The following CCDC83 variants were observed in gnomAD, a reference collection of about 807,000 sequenced individuals.
CCDC83 encodes the protein coiled-coil domain containing 83.
A neutral mutation model predicts 50.1 loss-of-function variants in CCDC83; 54 were observed. The observed-to-expected ratio is 1.08, with a 90% confidence interval of 0.87 to 1.35. CCDC83 has a LOEUF of 1.35. Ranked by LOEUF, CCDC83 falls within the 40% of genes most tolerant of loss-of-function variation. CCDC83 has a pLI of 0.00. For synonymous variants in CCDC83, 161 were observed against 153.3 expected, an observed-to-expected ratio of 1.05 and a Z score of -0.37; for missense variants, 518 against 473.9, an observed-to-expected ratio of 1.09 and a Z score of -0.86.
chr11:85,899,904 C>T (rs1029919660), intron 7 of CCDC83, among the ~76,000 whole-genome samples: 1 of 151,940 alleles, frequency 6.6e-6, no homozygotes, highest in Non-Finnish European at 1.5e-5. Context: ...CCTGAGGGCT[C>T]GCTGAAATAA....
intron 2 of CCDC83, among the ~76,000 whole-genome samples, chr11:85,868,750 G>GATC (rs2093221518): frequency 6.6e-6 from 1 of 152,012 alleles, no homozygotes; most frequent in South Asian, 2.1e-4. Context: ...GGGCTCAAGG[G>GATC]ATCAGCCCAC....
In CCDC83 at chr11:85,916,261, C is replaced by A. The variant is rs199652277; in HGVS notation, c.1080+28C>A. 1.6e-4 allele frequency: 225 copies of A among 1,449,786 alleles called. No homozygotes were observed. The African/African-American group carries it at 2.7e-3, about 17-fold the overall frequency. 89.8% of individuals were successfully genotyped at this position (1,449,786 alleles called of 1,614,324 possible). On this transcript the variant is annotated intron_variant, in intron 10 of 10. Coordinates refer to ENST00000342404, the MANE Select transcript of CCDC83 (RefSeq NM_001286159.2). ...AAGATTCATAACAACACAACTTTGA[C>A]TACTAAGAAAATGCTGTTTTGAGAA...
chr11:85,918,820 AAC>A (rs1230643389), intron 10 of CCDC83, among the ~76,000 whole-genome samples: 2 of 152,176 alleles, frequency 1.3e-5, no homozygotes, highest in Non-Finnish European at 2.9e-5. Flanking sequence ...CAGGTAGGGG[AAC>A]AGTCAATTAT....
Position 85,917,162 on chromosome 11 carries a change from GAGAGAGAA to G in CCDC83, c.1080+933_1080+940del, listed in dbSNP as rs1316215938. On this transcript the variant is annotated intron_variant, in intron 10 of 10. Coordinates refer to ENST00000342404, the MANE Select transcript of CCDC83 (RefSeq NM_001286159.2). ...AGAGAGAGAGAGAGAGAGAGAGAGA[GAGAGAGAA>G]AGAAAGAAAGAAAGAAAGAAAGAGA... 6.1e-5 allele frequency among the ~76,000 whole-genome samples: 4 copies of G among 65,820 alleles called. No homozygotes were observed. In the East Asian group the frequency reaches 1.4e-3, roughly 23 times the overall value. The allele number at this position is 65,820 out of a possible 152,430, so 43.2% of individuals were successfully genotyped here.
chr11:85,862,152 A>C (rs1276957250), intron 1 of CCDC83, among the ~76,000 whole-genome samples: 1 of 152,148 alleles, frequency 6.6e-6, no homozygotes, highest in Non-Finnish European at 1.5e-5. Flanking sequence ...ATATGAAAAA[A>C]ATGATTGTGA....
intron 7 of CCDC83, among the ~76,000 whole-genome samples, chr11:85,907,633 T>C (rs1011721643): frequency 1.6e-4 from 24 of 152,256 alleles, no homozygotes; most frequent in African/African-American, 5.3e-4. Flanking sequence ...CTTCCACTTC[T>C]TCCTCCTTTT....
chr11:85,886,794 C>A lies in CCDC83; in HGVS notation c.511+427C>A, dbSNP rs1007359543. On this transcript the variant is annotated intron_variant, in intron 5 of 10. Coordinates refer to ENST00000342404, the MANE Select transcript of CCDC83 (RefSeq NM_001286159.2). ...TGGGCATGGTGGCTCATGCCTGTAG[C>A]CCCAGCTACTTGAGAGGCTGAGGTG... 5.3e-5 allele frequency among the ~76,000 whole-genome samples: 8 copies of A among 152,066 alleles called. No homozygotes were observed. In the South Asian group the frequency reaches 6.2e-4, roughly 12 times the overall value.
intron 6 of CCDC83, among the ~76,000 whole-genome samples, chr11:85,898,118 T>C (rs952538148): frequency 1.3e-5 from 2 of 148,180 alleles, no homozygotes; most frequent in Non-Finnish European, 3.0e-5. Context: ...GATCACACTA[T>C]CACACTCCAG....
At chr11:85,909,971 T>G (rs985597285) in intron 7 of CCDC83, among the ~76,000 whole-genome samples, 3 of 152,202 alleles carry the variant, frequency 2.0e-5, no homozygotes, top group African/African-American at 7.2e-5. Flanking sequence ...TATTTGGCCC[T>G]TCCTTAATTG....
chr11:85,912,440 G>A (rs2093458855), intron 8 of CCDC83, among the ~76,000 whole-genome samples: 1 of 152,184 alleles, frequency 6.6e-6, no homozygotes, highest in Non-Finnish European at 1.5e-5. Context: ...TAGAGAAAGA[G>A]GCCATCTGCC....
intron 6 of CCDC83, among the ~76,000 whole-genome samples, chr11:85,898,268 G>A (rs1336607011): frequency 2.0e-5 from 3 of 151,072 alleles, no homozygotes; most frequent in South Asian, 4.2e-4. Flanking sequence ...TCTTTTGATC[G>A]TGCCCTTCAG....
intron 4 of CCDC83, 146 bp downstream of exon 4, chr11:85,882,821 G>A: frequency 2.8e-6 from 2 of 712,376 alleles, no homozygotes; most frequent in Non-Finnish European, 2.3e-6. Flanking sequence ...AACACATGTA[G>A]GTAAATGGGC....
intron 4 of CCDC83, among the ~76,000 whole-genome samples, chr11:85,883,187 G>T (rs1290818619): frequency 6.6e-6 from 1 of 152,104 alleles, no homozygotes; most frequent in Non-Finnish European, 1.5e-5. Flanking sequence ...CAAAGTTCTG[G>T]GATTACAGGC....
intron 1 of CCDC83, among the ~76,000 whole-genome samples, chr11:85,857,037 G>A (rs114596343): frequency 1.3e-5 from 2 of 152,170 alleles, no homozygotes; most frequent in Admixed American, 1.3e-4. Flanking sequence ...CCTGTCCCCA[G>A]ATCGAGGCTT....
intron 7 of CCDC83, among the ~76,000 whole-genome samples, chr11:85,905,836 G>A (rs1429228971): frequency 2.0e-5 from 3 of 151,020 alleles, no homozygotes; most frequent in Admixed American, 1.3e-4. Context: ...AGGCATGGTG[G>A]CGGGCTCCTG....
intron 8 of CCDC83, among the ~76,000 whole-genome samples, 156 bp downstream of exon 8, chr11:85,911,558 G>C (rs1465639201): frequency 6.6e-6 from 1 of 152,156 alleles, no homozygotes; most frequent in African/African-American, 2.4e-5. Flanking sequence ...TGAAGGTATA[G>C]GATTATTACT....
intron 3 of CCDC83, among the ~76,000 whole-genome samples, chr11:85,881,167 G>A (rs1240180015): frequency 1.6e-4 from 24 of 151,946 alleles, no homozygotes; most frequent in Non-Finnish European, 4.4e-5. Context: ...TCAAGAGTTC[G>A]AGACCAGCCT....
Position 85,919,357 on chromosome 11 carries a change from A to C in CCDC83, c.1089A>C (p.Val363=). ...YEDEKDFKDY[V]NLGPLGVKLM... ...GTGCCTGTTCACCATAGGATTATGT[A>C]AACTTGGGCCCCCTGGGAGTGAAGC... Residue 363 remains valine, a synonymous_variant, in exon 11 of 11, where the codon GTA becomes GTC. Coordinates refer to ENST00000342404, the MANE Select transcript of CCDC83 (RefSeq NM_001286159.2). 6.3e-7 allele frequency: 1 copy of C among 1,599,218 alleles called. No individual in the cohort carries two copies. The highest frequency in any genetic ancestry group is 1.4e-5 in the African/African-American group (1 of 73,768).
chr11:85,901,128 C>T (rs11822658), intron 7 of CCDC83, among the ~76,000 whole-genome samples: 2,766 of 151,284 alleles, frequency 0.018, 89 homozygotes, highest in African/African-American at 0.063. Flanking sequence ...GCATTTTGGG[C>T]GACCAATGCA....
Sources: gnomAD v4.1 joint callset for allele counts (sites outside exome capture counted in the v4.1 genomes callset) on GRCh38, gnomAD v4.1.1 for gene constraint, MANE v1.5 for transcripts, NCBI Gene and HGNC (gene_info 2026-07-23, HGNC 2026-07-21) for gene names.